The following MYO15A variants were observed in gnomAD, a reference collection of about 807,000 sequenced individuals.
MYO15A encodes the protein unconventional myosin-XV.
A neutral mutation model predicts 394.6 loss-of-function variants in MYO15A; 308 were observed. That is an observed-to-expected ratio of 0.78 (90% CI 0.71 to 0.86). The LOEUF is 0.86. MYO15A is among the 40% of genes least tolerant of loss of function. The pLI is 0.00. For missense variants in MYO15A, 4,606 were observed against 4,799.1 expected, an observed-to-expected ratio of 0.96 and a Z score of 1.19; for synonymous variants, 1,957 against 2,003.8, an observed-to-expected ratio of 0.98 and a Z score of 0.62.
chr17:18,149,950 C>CA (rs369728454), intron 35 of MYO15A: 7,894 of 124,718 alleles, frequency 0.063, 276 homozygotes, highest in African/African-American at 0.12. Context: ...GACCCTGTCT[C>CA]AAAAAAAAAA....
chr17:18,168,712 GC>G (rs970724244), intron 62 of MYO15A, among the ~76,000 whole-genome samples: 21 of 152,256 alleles, frequency 1.4e-4, no homozygotes, highest in African/African-American at 4.3e-4. Context: ...GGCCTAGACA[GC>G]CTTTAAACTG....
intron 4 of MYO15A, among the ~76,000 whole-genome samples, chr17:18,125,733 A>T (rs2046025689): frequency 6.8e-6 from 1 of 146,392 alleles, no homozygotes; most frequent in South Asian, 2.2e-4. Context: ...AAAAAAAAAA[A>T]AAGAATGGTG....
At chr17:18,131,068 G>C (rs1383918981) in intron 8 of MYO15A, among the ~76,000 whole-genome samples, 171 bp from the exon 9 acceptor site, 1 of 151,878 alleles carries the variant, frequency 6.6e-6, no homozygotes, top group East Asian at 1.9e-4. Flanking sequence ...GGAAACACTG[G>C]GGGGCACTGG....
intron 30 of MYO15A, among the ~76,000 whole-genome samples, chr17:18,146,835 G>T (rs1221065736): frequency 1.3e-5 from 2 of 152,174 alleles, no homozygotes; most frequent in African/African-American, 4.8e-5. Flanking sequence ...TGAGGCAAGA[G>T]CATTGCTTGA....
rs758544158 is a variant in MYO15A at position 18,142,829 on chromosome 17, C to T, written c.5899C>T (p.Arg1967Cys). 6 of 1,612,218 alleles carry T rather than the reference C, an allele frequency of 3.7e-6. No individual in the cohort carries two copies. Among genetic ancestry groups the T allele is most frequent in the South Asian group, 3.3e-5 (3 of 90,610 alleles). Residue 1967 changes from arginine to cysteine, a missense_variant, in exon 25 of 66, where the codon CGC (arginine) becomes TGC (cysteine). Arg to Cys is a radical substitution (Grantham distance 180). Transcript: ENST00000647165. Reference sequence around the variant, plus strand: ...GGTACACGCATACGTGAGCCGCCGACGCTATCTCAAGGTATAGGCCCTACC... The same window carrying T: ...GGTACACGCATACGTGAGCCGCCGATGCTATCTCAAGGTATAGGCCCTACC... ...SLVHAYVSRR[R>C]YLKLRAEWRC...
rs757815056 is a variant in MYO15A, at chr17:18,121,701, C to T, written c.2901C>T (p.Leu967=). ...PPVPENPFLQ[L]LGPVPSPTLQ... is the part of the protein sequence containing the mutation. ...TGCCGGAAAACCCCTTTCTCCAGCT[C>T]CTGGGCCCTGTGCCATCCCCCACCC... The change falls in exon 2 of 66, where the codon CTC becomes CTT. Residue 967 remains leucine (L), a synonymous_variant. Coordinates refer to ENST00000647165, the MANE Select transcript of MYO15A (RefSeq NM_016239.4). The surrounding 1 kb of genome is among the most constrained non-coding windows in gnomAD (Gnocchi z 5.3). 1 of 1,607,938 alleles carries T rather than the reference C, an allele frequency of 6.2e-7. No individual in the cohort carries two copies. Among genetic ancestry groups the T allele is most frequent in the Non-Finnish European group, 8.5e-7 (1 of 1,176,940 alleles).
rs1437654037 is a variant in MYO15A at position 18,143,863 on chromosome 17, T to C, written c.6047-7T>C. 1.3e-6 allele frequency: 2 copies of C among 1,576,686 alleles called. No homozygotes were observed. Among genetic ancestry groups the C allele is most frequent in the Admixed American group, 3.7e-5 (2 of 54,142 alleles). On this transcript the variant is annotated splice_polypyrimidine_tract_variant and splice_region_variant and intron_variant, in intron 27 of 65. Transcript: ENST00000647165. ...AGCAGGCACCGCATTCCCTCCTCTT[T>C]CCACAGGCCTCGGGCTGGCCCAGGT...
In MYO15A at chr17:18,155,314, G is replaced by C. The variant is rs1555546717; in HGVS notation, c.8341G>C (p.Gly2781Arg). The change falls in exon 47 of 66, where the codon GGC (glycine) becomes CGC (arginine). Residue 2781 changes from glycine (G) to arginine (R), a missense_variant and splice_region_variant. By Grantham distance (125) the Gly-to-Arg change is moderately radical. Around this residue, in one of 2 missense-constraint regions of MYO15A, gnomAD observed 2,776 missense variants for 3,109.3 expected, o/e 0.89. Coordinates refer to ENST00000647165, the MANE Select transcript of MYO15A (RefSeq NM_016239.4). Reference sequence around the variant, plus strand: ...CACACGCCCTTCATCTCTGCCCCAGGGCAGCGTGGGCACTGGTGTGCAGCT... The same window carrying C: ...CACACGCCCTTCATCTCTGCCCCAGCGCAGCGTGGGCACTGGTGTGCAGCT... Reference protein sequence around the residue: ...VYFSRIFPATGSVGTGVQLLA... With the variant: ...VYFSRIFPATRSVGTGVQLLA... 1 of 1,613,794 alleles carries C rather than the reference G, an allele frequency of 6.2e-7. No homozygotes were observed. The highest frequency in any genetic ancestry group is 8.5e-7 in the Non-Finnish European group (1 of 1,180,006).
intron 51 of MYO15A, chr17:18,158,183 C>A: frequency 1.7e-6 from 1 of 589,384 alleles, no homozygotes; most frequent in Non-Finnish European, 3.0e-6. Flanking sequence ...CGGGGCCCGC[C>A]AGTTGGTGAA....
intron 41 of MYO15A, 49 bp downstream of exon 41, chr17:18,152,000 G>A: frequency 6.5e-7 from 1 of 1,542,702 alleles, no homozygotes; most frequent in Non-Finnish European, 8.8e-7. Context: ...AAGACAAAGA[G>A]GGGCCTCAGG....
intron 25 of MYO15A, 79 bp from the exon 26 acceptor site, chr17:18,143,487 G>A (rs1052613454): frequency 7.3e-6 from 11 of 1,515,140 alleles, no homozygotes; most frequent in South Asian, 2.4e-5. Flanking sequence ...GCCGCCTTGC[G>A]TAAGCTGGCC....
chr17:18,125,331 C>A, intron 4 of MYO15A, 100 bp downstream of exon 4: 1 of 1,155,098 alleles, frequency 8.7e-7, no homozygotes, highest in Non-Finnish European at 1.3e-6. Flanking sequence ...GGCCCTAGCC[C>A]CTGTGGCCTC....
rs2046606303 is a variant in MYO15A at position 18,152,789 on chromosome 17, T to C, written c.7966+605T>C. On this transcript the variant is annotated intron_variant, in intron 42 of 65. Transcript: ENST00000647165. ...TCCAAGCCCACTCCTGCCTTGCATG[T>C]TCCCTGTGCCTAGAATGCTCTTCCC... 2.0e-5 allele frequency among the ~76,000 whole-genome samples: 3 copies of C among 152,166 alleles called. No individual in the cohort carries two copies. The South Asian group carries it at 6.2e-4, about 32-fold the overall frequency.
At chr17:18,141,429 A>AGTGT (rs1475706583) in intron 22 of MYO15A, among the ~76,000 whole-genome samples, 1 of 152,256 alleles carries the variant, frequency 6.6e-6, no homozygotes, top group Non-Finnish European at 1.5e-5. Flanking sequence ...GTGGCAGTCA[A>AGTGT]GTGTCCTGTT....
rs1228184064 is a variant in MYO15A, at chr17:18,121,672, C to G, written c.2872C>G (p.Pro958Ala). 1.2e-6 allele frequency: 2 copies of G among 1,607,326 alleles called. No individual in the cohort carries two copies. Among genetic ancestry groups the G allele is most frequent in the African/African-American group, 1.3e-5 (1 of 74,794 alleles). ...GSRRGFSRPP[P>A]VPENPFLQLL... Reference sequence around the variant, plus strand: ...CCGCCGAGGCTTTTCCAGGCCACCCCCTGTGCCGGAAAACCCCTTTCTCCA... The same window carrying G: ...CCGCCGAGGCTTTTCCAGGCCACCCGCTGTGCCGGAAAACCCCTTTCTCCA... The change falls in exon 2 of 66, where the codon CCT (proline) becomes GCT (alanine). Residue 958 changes from proline to alanine, a missense_variant. Physicochemically the swap from Pro to Ala is conservative, Grantham distance 27. Coordinates refer to ENST00000647165, the MANE Select transcript of MYO15A (RefSeq NM_016239.4). The surrounding 1 kb of genome is among the most constrained non-coding windows in gnomAD (Gnocchi z 5.3).
intron 7 of MYO15A, among the ~76,000 whole-genome samples, chr17:18,130,492 G>C (rs1366516908): frequency 2.0e-5 from 3 of 152,058 alleles, no homozygotes; most frequent in Non-Finnish European, 4.4e-5. Context: ...TCAGAGGCAG[G>C]AGTGGGCCTG....
intron 59 of MYO15A, 21 bp downstream of exon 59, chr17:18,163,342 T>C (rs1349444925): frequency 1.2e-6 from 2 of 1,611,334 alleles, no homozygotes; most frequent in Non-Finnish European, 1.7e-6. Flanking sequence ...AAATGTCTCC[T>C]GCAGCCAGGT....
In MYO15A at chr17:18,120,893, G is replaced by A; in HGVS notation, c.2093G>A (p.Arg698His). The change falls in exon 2 of 66, where the codon CGC becomes CAC. Residue 698 changes from arginine to histidine, a missense_variant. Physicochemically the swap from Arg to His is conservative, Grantham distance 29. Coordinates refer to ENST00000647165, the MANE Select transcript of MYO15A (RefSeq NM_016239.4). ...PRPASPYGSLRRHPPPWAAPA... is the reference protein window; with the variant it reads ...PRPASPYGSLHRHPPPWAAPA... ...CCGGCCTCGCCCTACGGCTCCCTCC[G>A]CCGCCACCCGCCGCCCTGGGCCGCC... 2.2e-6 allele frequency: 3 copies of A among 1,382,658 alleles called. No individual in the cohort carries two copies. The highest frequency in any genetic ancestry group is 2.7e-4 in the Middle Eastern group (1 of 3,768). The allele number at this position is 1,382,658 out of a possible 1,614,324, so 85.6% of individuals were successfully genotyped here. A position where few individuals can be genotyped will look rare whatever the true frequency, so the allele number is the denominator to read the frequency against.
Position 18,152,325 on chromosome 17 carries a change from A to T in MYO15A, c.7966+141A>T, listed in dbSNP as rs945143335. The T allele has an allele frequency of 6.0e-6, 5 of 833,176 alleles. No homozygotes were observed. In the African/African-American group the frequency reaches 8.4e-5, roughly 14 times the overall value. The allele number at this position is 833,176 out of a possible 1,614,324, so 51.6% of individuals were successfully genotyped here. On this transcript the variant is annotated intron_variant, in intron 42 of 65. Coordinates refer to ENST00000647165, the MANE Select transcript of MYO15A (RefSeq NM_016239.4). ...ATCTTGTGAGCACATTGGTGTAATT[A>T]TAATGTCAATACTTAAGTAGCACAG...
Sources: allele counts gnomAD v4.1 joint callset (sites outside exome capture counted in the v4.1 genomes callset), GRCh38; gene constraint gnomAD v4.1.1; regional missense constraint gnomAD v4.1.1; non-coding constraint Gnocchi (gnomAD v3.1); transcripts MANE v1.5; gene names NCBI Gene and HGNC (gene_info 2026-07-23, HGNC 2026-07-21).